PLXDC2: variants seen among roughly 807,000 people sequenced by gnomAD.
PLXDC2 encodes the protein plexin domain containing 2, also known as plexin domain-containing protein 2.
Under a neutral mutation model 68.9 loss-of-function variants are expected in PLXDC2, and 40 were observed. The ratio of observed to expected loss-of-function variants is 0.58; its 90% CI spans 0.45 to 0.76. The LOEUF (loss-of-function observed/expected upper bound fraction) is 0.76, where lower values mean the gene tolerates loss of function less well. Among genes scored for constraint, PLXDC2 ranks in the 30% least tolerant of loss-of-function variants. The pLI is 0.00. For missense variants in PLXDC2, 644 were observed against 661.9 expected, an observed-to-expected ratio of 0.97 and a Z score of 0.30; for synonymous variants, 243 against 234.2, an observed-to-expected ratio of 1.04 and a Z score of -0.34.
chr10:19,942,580 C>T (rs538588242), intron 1 of PLXDC2, among the ~76,000 whole-genome samples: 16 of 152,154 alleles, frequency 1.1e-4, no homozygotes, highest in South Asian at 6.2e-4. Flanking sequence ...TTGGCCAACA[C>T]GGTGAAACCC....
chr10:20,101,354 T>C (rs1833419771), intron 4 of PLXDC2, among the ~76,000 whole-genome samples: 1 of 152,182 alleles, frequency 6.6e-6, no homozygotes, highest in Non-Finnish European at 1.5e-5. Flanking sequence ...CTGTAGTCAA[T>C]CGTTTTATTC....
At chr10:20,149,463 G>A (rs978402297) in intron 6 of PLXDC2, among the ~76,000 whole-genome samples, 7 of 151,414 alleles carry the variant, frequency 4.6e-5, no homozygotes, top group African/African-American at 9.7e-5. Context: ...GGTCTTGAAC[G>A]CCCTACCTCA....
intron 1 of PLXDC2, among the ~76,000 whole-genome samples, chr10:19,932,034 A>G (rs1761741702): frequency 6.6e-6 from 1 of 151,688 alleles, no homozygotes; most frequent in South Asian, 2.1e-4. Flanking sequence ...AACTTGCATG[A>G]CTGTATAAAC....
At chr10:20,260,831 T>C (rs556987336) in intron 13 of PLXDC2, among the ~76,000 whole-genome samples, 25 of 152,350 alleles carry the variant, frequency 1.6e-4, no homozygotes, top group African/African-American at 5.3e-4. Flanking sequence ...AAAGGTTCCC[T>C]CTTCTCCACA....
At chr10:19,895,269 G>C (rs547618150) in intron 1 of PLXDC2, among the ~76,000 whole-genome samples, 13 of 152,262 alleles carry the variant, frequency 8.5e-5, no homozygotes, top group Admixed American at 5.9e-4. Flanking sequence ...GCATGGTAGA[G>C]CTGGGCACCT....
chr10:20,268,651 C>T (rs1835899292), intron 13 of PLXDC2, among the ~76,000 whole-genome samples: 1 of 152,152 alleles, frequency 6.6e-6, no homozygotes, highest in Non-Finnish European at 1.5e-5. Context: ...CCTTAACTTG[C>T]CAGATTTCTT....
At chr10:20,207,260 AACTT>A (rs1337768045) in intron 9 of PLXDC2, among the ~76,000 whole-genome samples, 3 of 152,292 alleles carry the variant, frequency 2.0e-5, no homozygotes, top group Admixed American at 6.5e-5. Flanking sequence ...TTTTCAGTAA[AACTT>A]AATTTCACAC....
intron 1 of PLXDC2, among the ~76,000 whole-genome samples, chr10:19,933,845 G>A (rs1388515991): frequency 8.3e-6 from 1 of 119,872 alleles, no homozygotes; most frequent in Non-Finnish European, 1.7e-5. Flanking sequence ...AAGGAGGGGA[G>A]GAAGGAAGGA....
intron 1 of PLXDC2, among the ~76,000 whole-genome samples, chr10:19,912,622 C>T (rs965788): frequency 0.1 from 15,547 of 152,032 alleles, 810 homozygotes; most frequent in Admixed American, 0.12. Flanking sequence ...ATTTTCTTTA[C>T]TCTTCCTTAA....
chr10:20,107,584 T>C (rs1026316332), intron 4 of PLXDC2, among the ~76,000 whole-genome samples: 2 of 152,194 alleles, frequency 1.3e-5, no homozygotes, highest in African/African-American at 2.4e-5. Context: ...CTAAGAGTAG[T>C]GATTTTTACT....
At chr10:19,916,202 C>T (rs1589534576) in intron 1 of PLXDC2, among the ~76,000 whole-genome samples, 2 of 148,428 alleles carry the variant, frequency 1.3e-5, no homozygotes, top group African/African-American at 2.5e-5. Context: ...GATCATGGCT[C>T]ATGACAGGAT....
intron 1 of PLXDC2, among the ~76,000 whole-genome samples, chr10:19,817,706 T>A (rs1171195506): frequency 6.6e-6 from 1 of 151,918 alleles, no homozygotes; most frequent in African/African-American, 2.4e-5. Context: ...TCTAGTGACC[T>A]GGGCCAAGCG....
intron 13 of PLXDC2, among the ~76,000 whole-genome samples, chr10:20,246,777 T>C (rs1446000711): frequency 1.3e-5 from 2 of 152,240 alleles, no homozygotes; most frequent in African/African-American, 2.4e-5. Flanking sequence ...ATTAGAATTA[T>C]TCATTGTATG....
intron 1 of PLXDC2, among the ~76,000 whole-genome samples, chr10:19,992,118 T>G (rs1007583734): frequency 6.6e-6 from 1 of 152,182 alleles, no homozygotes; most frequent in Non-Finnish European, 1.5e-5. Flanking sequence ...CACATGAATT[T>G]CCACAAATAA....
At chr10:19,937,999 G>A (rs139362701) in intron 1 of PLXDC2, among the ~76,000 whole-genome samples, 1 of 152,168 alleles carries the variant, frequency 6.6e-6, no homozygotes, top group East Asian at 1.9e-4. Context: ...TTCAGCCCTG[G>A]ATGCTTCTGC....
At chr10:20,245,234 G>A (rs1024630305) in intron 12 of PLXDC2, 111 bp from the exon 13 acceptor site, 6 of 1,197,986 alleles carry the variant, frequency 5.0e-6, no homozygotes, top group East Asian at 2.7e-5. Context: ...AAGTTGTCCA[G>A]GAAGTAAAGA....
chr10:20,133,659 T>A (rs2461925), intron 4 of PLXDC2, among the ~76,000 whole-genome samples: 35,833 of 152,146 alleles, frequency 0.24, 5,559 homozygotes, highest in Middle Eastern at 0.36. Flanking sequence ...TCAGAGAATT[T>A]GTTAATAACA....
intron 3 of PLXDC2, among the ~76,000 whole-genome samples, chr10:20,061,644 C>T (rs755065754): frequency 6.6e-6 from 1 of 152,176 alleles, no homozygotes; most frequent in African/African-American, 2.4e-5. Context: ...TACACTTCTA[C>T]CTACTGATTT....
chr10:20,249,523 T>C (rs977051034), intron 13 of PLXDC2, among the ~76,000 whole-genome samples: 4 of 152,126 alleles, frequency 2.6e-5, no homozygotes, highest in African/African-American at 4.8e-5. Context: ...TGGTTTCTTC[T>C]CATATCATTC....
Sources: allele counts gnomAD v4.1 joint callset (sites outside exome capture counted in the v4.1 genomes callset), GRCh38; gene constraint gnomAD v4.1.1; transcripts MANE v1.5; gene names NCBI Gene and HGNC (gene_info 2026-07-23, HGNC 2026-07-21).